The following NELL2 variants were observed in gnomAD, a reference collection of about 807,000 sequenced individuals.
The protein encoded by NELL2 is neural EGFL like 2, also known as protein kinase C-binding protein NELL2.
In NELL2, 41 loss-of-function variants were observed where a neutral mutation model predicts 109.6. The observed-to-expected ratio is 0.37, with a 90% CI of 0.29 to 0.49. NELL2 has a LOEUF of 0.49. NELL2 is among the 20% of genes least tolerant of loss of function. The pLI, the probability that NELL2 is intolerant of heterozygous loss-of-function variation, is 0.98. For synonymous variants in NELL2, 355 were observed against 344.7 expected, an observed-to-expected ratio of 1.03 and a Z score of -0.33; for missense variants, 900 against 1,008.3, an observed-to-expected ratio of 0.89 and a Z score of 1.45.
chr12:44,859,226 T>C (rs886774752), intron 2 of NELL2, among the ~76,000 whole-genome samples: 1 of 152,242 alleles, frequency 6.6e-6, no homozygotes, highest in Non-Finnish European at 1.5e-5. Flanking sequence ...CAATAAATAT[T>C]TGTTAATTTG....
chr12:44,617,641 G>C (rs975713234), intron 13 of NELL2, among the ~76,000 whole-genome samples: 1 of 84,534 alleles, frequency 1.2e-5, no homozygotes, highest in African/African-American at 8.5e-5. Context: ...GCAGTGAGCC[G>C]AGATCCCGCC....
chr12:44,741,025 T>C (rs1939929109), intron 9 of NELL2, among the ~76,000 whole-genome samples: 1 of 152,128 alleles, frequency 6.6e-6, no homozygotes, highest in African/African-American at 2.4e-5. Flanking sequence ...TTGAACAACA[T>C]GAGATTGAAC....
At position 44,875,349 on chromosome 12, in the gene NELL2, C is replaced by G. The variant is rs762708530; in HGVS notation, c.60G>C (p.Trp20Cys). The G allele has an allele frequency of 3.7e-6, 6 of 1,614,100 alleles. No homozygotes were observed. Among genetic ancestry groups the G allele is most frequent in the Non-Finnish European group, 4.2e-6 (5 of 1,180,028 alleles). The change falls in exon 2 of 20, where the codon TGG becomes TGC. Residue 20 changes from tryptophan to cysteine, a missense_variant. Physicochemically the swap from Trp to Cys is radical, Grantham distance 215. Transcript: ENST00000429094. ...FCLIFGLGAV[W>C]GLGVDPSLQI... ...GTAGGGAAGGGTCCACACCAAGCCC[C>G]CAAACTGGTGAGGGGTATGAGGTGG...
intron 1 of NELL2, among the ~76,000 whole-genome samples, chr12:44,919,563 G>A (rs541677801): frequency 6.6e-6 from 1 of 152,146 alleles, no homozygotes; most frequent in African/African-American, 2.4e-5. Flanking sequence ...TTATAAAAAG[G>A]GGAAATTTAG....
chr12:44,875,825 A>G lies in NELL2; in HGVS notation c.45T>C (p.Gly15=), dbSNP rs1440213399. 1 of 1,613,884 alleles carries G rather than the reference A, an allele frequency of 6.2e-7. No individual in the cohort carries two copies. The highest frequency in any genetic ancestry group is 2.2e-5 in the East Asian group (1 of 44,862). Residue 15 remains glycine (G), a synonymous_variant, in exon 1 of 20, where the codon GGT becomes GGC. Coordinates refer to ENST00000429094, the MANE Select transcript of NELL2 (RefSeq NM_001145108.2). ...VLLRTFCLIF[G]LGAVWGLGVD... ...TCTGCGGCCACTCACCTGCTCCGAGACCGAAGATCAAACAGAATGTTCTCA... is the reference window on the plus strand; with the variant it reads ...TCTGCGGCCACTCACCTGCTCCGAGGCCGAAGATCAAACAGAATGTTCTCA...
At chr12:44,559,033 C>T (rs1044181780) in intron 15 of NELL2, among the ~76,000 whole-genome samples, 11 of 152,202 alleles carry the variant, frequency 7.2e-5, no homozygotes, top group African/African-American at 2.6e-4. Context: ...ATGGTTTTCC[C>T]GTCATGGTGT....
intron 9 of NELL2, among the ~76,000 whole-genome samples, chr12:44,719,558 C>A (rs1410210632): frequency 6.6e-6 from 1 of 152,102 alleles, no homozygotes; most frequent in Non-Finnish European, 1.5e-5. Context: ...AAAAATGATT[C>A]CTTACAAAAT....
Position 44,519,992 on chromosome 12 carries a change from T to C in NELL2, c.2400+13A>G. 6.2e-7 allele frequency: 1 copy of C among 1,611,970 alleles called. No homozygotes were observed. Among genetic ancestry groups the C allele is most frequent in the South Asian group, 1.1e-5 (1 of 91,008 alleles). On this transcript the variant is annotated intron_variant, in intron 19 of 19. Coordinates refer to ENST00000429094, the MANE Select transcript of NELL2 (RefSeq NM_001145108.2). ...TGGCAAAGTGCTCACTATTTAAATT[T>C]AATGGAGTTTACCTTGCACTGGCAG...
intron 12 of NELL2, among the ~76,000 whole-genome samples, chr12:44,689,466 C>G (rs1475167160): frequency 1.3e-5 from 2 of 152,158 alleles, no homozygotes; most frequent in African/African-American, 4.8e-5. Context: ...AGTTTTTCCT[C>G]TTCCCCATCA....
rs1443903329 is a variant in NELL2, at chr12:44,721,210, A to T, written c.995-6469T>A. On this transcript the variant is annotated intron_variant, in intron 9 of 19. Transcript: ENST00000429094. The stretch of plus-strand genomic sequence containing the variant: ...AATGGCAATCTAAAAATATTCTGAA[A>T]TTCTTTTAATTTAGCTGCTTTTCTG... Among the ~76,000 whole-genome samples the T allele has an allele frequency of 2.6e-5, 4 of 152,332 alleles. No individual in the cohort carries two copies. In the East Asian group the frequency reaches 7.7e-4, roughly 29 times the overall value.
intron 9 of NELL2, among the ~76,000 whole-genome samples, chr12:44,765,569 T>C (rs1335305972): frequency 6.6e-6 from 1 of 152,214 alleles, no homozygotes; most frequent in African/African-American, 2.4e-5. Context: ...AGTGAGGCTC[T>C]AGTACATAAT....
chr12:44,874,452 A>G (rs1945256462), intron 2 of NELL2, among the ~76,000 whole-genome samples: 1 of 152,214 alleles, frequency 6.6e-6, no homozygotes, highest in Non-Finnish European at 1.5e-5. Context: ...AGCTCTAATC[A>G]AAGTTGAAGG....
chr12:44,751,424 T>A (rs1009323080), intron 9 of NELL2, among the ~76,000 whole-genome samples: 2 of 152,198 alleles, frequency 1.3e-5, no homozygotes, highest in Non-Finnish European at 2.9e-5. Context: ...GAAATTTGAA[T>A]CATAGTTTAT....
chr12:44,815,660 C>T (rs995149546), intron 3 of NELL2, among the ~76,000 whole-genome samples: 1 of 152,150 alleles, frequency 6.6e-6, no homozygotes, highest in African/African-American at 2.4e-5. Flanking sequence ...GCTCTGTTAC[C>T]CAGGCTGGAG....
rs904025429 is a variant in NELL2, at chr12:44,719,244, A to G, written c.995-4503T>C. 9.8e-5 allele frequency among the ~76,000 whole-genome samples: 15 copies of G among 152,332 alleles called. No individual in the cohort carries two copies. The East Asian group carries it at 1.7e-3, about 18-fold the overall frequency. The stretch of plus-strand genomic sequence containing the variant: ...ATTTATAACACAGATTGAGAAATGG[A>G]TAAGTGAAAGAAGCCAGTAAAACTC... On this transcript the variant is annotated intron_variant, in intron 9 of 19. Coordinates refer to ENST00000429094, the MANE Select transcript of NELL2 (RefSeq NM_001145108.2).
chr12:44,791,097 G>A (rs7976002), intron 3 of NELL2, among the ~76,000 whole-genome samples: 7,801 of 38,026 alleles, frequency 0.21, 966 homozygotes, highest in South Asian at 0.27. Flanking sequence ...ATATATATAT[G>A]TATATATATA....
chr12:44,688,216 A>C (rs1187772868), intron 12 of NELL2, among the ~76,000 whole-genome samples: 1 of 152,240 alleles, frequency 6.6e-6, no homozygotes, highest in African/African-American at 2.4e-5. Flanking sequence ...GGTTCTGGAA[A>C]TAACCCATGG....
At chr12:44,647,181 G>A (rs372079297) in intron 13 of NELL2, among the ~76,000 whole-genome samples, 23 of 152,194 alleles carry the variant, frequency 1.5e-4, no homozygotes, top group African/African-American at 2.6e-4. Flanking sequence ...AAATCCATCC[G>A]GGACTGGCAC....
intron 9 of NELL2, among the ~76,000 whole-genome samples, chr12:44,719,785 C>G (rs951848016): frequency 6.6e-6 from 1 of 152,024 alleles, no homozygotes; most frequent in African/African-American, 2.4e-5. Context: ...TGTATAATAG[C>G]AGTTACTTCA....
Sources: gnomAD v4.1 joint callset for allele counts (sites outside exome capture counted in the v4.1 genomes callset) on GRCh38, gnomAD v4.1.1 for gene constraint, MANE v1.5 for transcripts, NCBI Gene and HGNC (gene_info 2026-07-23, HGNC 2026-07-21) for gene names.